ECHS1: variants seen among roughly 807,000 people sequenced by gnomAD.
The protein encoded by ECHS1 is enoyl-CoA hydratase, short chain 1, also known as enoyl-CoA hydratase, mitochondrial.
ECHS1 carries 19 observed loss-of-function variants against 33.5 expected under a neutral mutation model. The ratio of observed to expected loss-of-function variants is 0.57; its 90% CI spans 0.40 to 0.83. The LOEUF is 0.83. ECHS1 is among the 40% of genes least tolerant of loss of function. ECHS1 has a pLI of 0.00. For synonymous variants in ECHS1, 158 were observed against 146.6 expected, an observed-to-expected ratio of 1.08 and a Z score of -0.56; for missense variants, 365 against 381.3, an observed-to-expected ratio of 0.96 and a Z score of 0.36.
rs764488387 is a variant in ECHS1, at chr10:133,373,291, G to A, written c.43C>T (p.Leu15=). ...RVLLSCVRGP[L]RPPVRCPAWR... is the part of the protein sequence containing the mutation. Reference sequence around the variant, plus strand: ...GCGGGACAGCGAACCGGGGGCCTCAGCGGGCCGCGGACGCAGGACAGCAGG... The same window carrying A: ...GCGGGACAGCGAACCGGGGGCCTCAACGGGCCGCGGACGCAGGACAGCAGG... The change falls in exon 1 of 8, where the codon CTG becomes TTG. Residue 15 remains leucine (L), a synonymous_variant. Coordinates refer to ENST00000368547, the MANE Select transcript of ECHS1 (RefSeq NM_004092.4). The A allele has an allele frequency of 6.7e-7, 1 of 1,483,798 alleles. No homozygotes were observed. The allele number at this position is 1,483,798 out of a possible 1,614,324, so 91.9% of individuals were successfully genotyped here.
chr10:133,373,343 G>T lies in ECHS1; in HGVS notation c.-10C>A. 2.0e-6 allele frequency: 3 copies of T among 1,496,782 alleles called. No homozygotes were observed. Among genetic ancestry groups the T allele is most frequent in the Non-Finnish European group, 2.7e-6 (3 of 1,129,636 alleles). 92.7% of individuals were successfully genotyped at this position (1,496,782 alleles called of 1,614,324 possible). On this transcript the variant is annotated 5_prime_UTR_variant, in exon 1 of 8. Transcript: ENST00000368547. Reference sequence around the variant, plus strand: ...CACGCAGGGCGGCCATGGCTCTCTGGACTCCTCGCCCGGCCCCGCGGAGCC... The same window carrying T: ...CACGCAGGGCGGCCATGGCTCTCTGTACTCCTCGCCCGGCCCCGCGGAGCC...
At chr10:133,370,228 CCT>C (rs1255260222) in intron 2 of ECHS1, among the ~76,000 whole-genome samples, 197 bp from the exon 3 acceptor site, 1 of 152,222 alleles carries the variant, frequency 6.6e-6, no homozygotes, top group Non-Finnish European at 1.5e-5. Context: ...GCAGAGGGGC[CCT>C]GAGGCAGGCA....
intron 3 of ECHS1, 103 bp downstream of exon 3, chr10:133,369,801 T>A: frequency 6.8e-7 from 1 of 1,476,066 alleles, no homozygotes. Context: ...GCTGCTGGCC[T>A]GGGAACTAAA....
At chr10:133,372,459 G>A (rs1212849205) in intron 1 of ECHS1, among the ~76,000 whole-genome samples, 1 of 152,234 alleles carries the variant, frequency 6.6e-6, no homozygotes, top group Non-Finnish European at 1.5e-5. Flanking sequence ...CCCTGGTCAG[G>A]AGGCACCCAG....
In ECHS1 at chr10:133,370,636, G is replaced by A; in HGVS notation, c.210C>T (p.Asn70=). ...CCTCCTCGAAGGTCTTCAGGGCCTG[G>A]TTGAGCTCGTCAATCAGGCCATCGC... The part of the protein sequence containing the change: ...ALCDGLIDEL[N]QALKTFEEDP... The change falls in exon 2 of 8, where the codon AAC becomes AAT. Residue 70 remains asparagine, a synonymous_variant. Transcript: ENST00000368547. 1 of 1,612,884 alleles carries A rather than the reference G, an allele frequency of 6.2e-7. No individual in the cohort carries two copies.
At position 133,362,900 on chromosome 10, in the gene ECHS1, C is replaced by T; in HGVS notation, c.841G>A (p.Glu281Lys). The T allele has an allele frequency of 1.2e-6, 2 of 1,614,172 alleles. No homozygotes were observed. Among genetic ancestry groups the T allele is most frequent in the Non-Finnish European group, 1.7e-6 (2 of 1,180,034 alleles). Residue 281 changes from glutamate (E) to lysine (K), a missense_variant, in exon 8 of 8, where the codon GAA becomes AAA. By Grantham distance (56) the Glu-to-Lys change is moderately conservative (BLOSUM62 1). Coordinates refer to ENST00000368547, the MANE Select transcript of ECHS1 (RefSeq NM_004092.4). ...DRKEGMTAFV[E>K]KRKANFKDQ ...TCTTTGAAGTTGGCCTTTCTCTTTT[C>T]CACAAACGCGGTCATCCCTTCTTTC...
At chr10:133,368,522 T>C (rs928336367) in intron 4 of ECHS1, among the ~76,000 whole-genome samples, 1 of 151,294 alleles carries the variant, frequency 6.6e-6, no homozygotes, top group African/African-American at 2.4e-5. Context: ...GGGTGGGGGG[T>C]CTGACTCCCC....
intron 2 of ECHS1, 143 bp from the exon 3 acceptor site, chr10:133,370,174 G>C: frequency 8.5e-7 from 1 of 1,172,448 alleles, no homozygotes; most frequent in Admixed American, 2.6e-5. Context: ...AGGCCACGTG[G>C]ACAGCTGTAG....
At position 133,362,600 on chromosome 10, in the gene ECHS1, T is replaced by C; in HGVS notation, c.*268A>G. On this transcript the variant is annotated 3_prime_UTR_variant, in exon 8 of 8. Coordinates refer to ENST00000368547, the MANE Select transcript of ECHS1 (RefSeq NM_004092.4). The stretch of plus-strand genomic sequence containing the variant: ...ACACAAGGACCCGCAGGCCCCGCTT[T>C]CCGTCCGAGCACAGCATGCCCAGAG... 1 of 514,488 alleles carries C rather than the reference T, an allele frequency of 1.9e-6. No individual in the cohort carries two copies. Among genetic ancestry groups the C allele is most frequent in the Non-Finnish European group, 3.5e-6 (1 of 285,298 alleles). 31.9% of individuals were successfully genotyped at this position (514,488 alleles called of 1,614,324 possible).
intron 6 of ECHS1, 89 bp from the exon 7 acceptor site, chr10:133,364,814 A>G: frequency 9.6e-7 from 1 of 1,045,654 alleles, no homozygotes; most frequent in South Asian, 1.3e-5. Context: ...TCACTGACCC[A>G]TGCACAACTG....
At chr10:133,370,781 G>C in intron 1 of ECHS1, 24 bp from the exon 2 acceptor site, 2 of 1,598,350 alleles carry the variant, frequency 1.3e-6, no homozygotes, top group South Asian at 2.3e-5. Context: ...GCAAAAAGGG[G>C]TATCTATTCA....
At chr10:133,371,950 C>T (rs1849114922) in intron 1 of ECHS1, among the ~76,000 whole-genome samples, 1 of 152,184 alleles carries the variant, frequency 6.6e-6, no homozygotes, top group Non-Finnish European at 1.5e-5. Context: ...TCACACACCA[C>T]CACACCTGGC....
chr10:133,364,173 G>A (rs1194028311), intron 7 of ECHS1, among the ~76,000 whole-genome samples: 1 of 152,072 alleles, frequency 6.6e-6, no homozygotes, highest in Non-Finnish European at 1.5e-5. Flanking sequence ...TCAAACTCCT[G>A]AGCTCAGGCA....
intron 4 of ECHS1, 41 bp from the exon 5 acceptor site, chr10:133,367,034 G>T: frequency 6.6e-7 from 1 of 1,511,510 alleles, no homozygotes; most frequent in East Asian, 2.3e-5. Context: ...TGTGATGAGT[G>T]AACCCAAGAA....
intron 3 of ECHS1, 40 bp downstream of exon 3, chr10:133,369,864 T>C: frequency 1.2e-6 from 2 of 1,609,404 alleles, no homozygotes; most frequent in Non-Finnish European, 1.7e-6. Context: ...CACGGTTCCT[T>C]CAACCACGAG....
chr10:133,366,814 G>A, intron 5 of ECHS1, 75 bp downstream of exon 5: 1 of 1,211,434 alleles, frequency 8.3e-7, no homozygotes, highest in Non-Finnish European at 1.2e-6. Flanking sequence ...GGGACACCTG[G>A]ATGCCGCCCT....
chr10:133,370,188 C>T (rs1397440142), intron 2 of ECHS1, among the ~76,000 whole-genome samples, 157 bp from the exon 3 acceptor site: 4 of 152,218 alleles, frequency 2.6e-5, no homozygotes, highest in South Asian at 2.1e-4. Flanking sequence ...GCTGTAGGGA[C>T]GCTGTAATGC....
chr10:133,369,707 G>A (rs986856063), intron 3 of ECHS1, among the ~76,000 whole-genome samples, 197 bp downstream of exon 3: 5 of 152,104 alleles, frequency 3.3e-5, no homozygotes, highest in Admixed American at 3.3e-4. Context: ...GCTGTCAGGT[G>A]AACAGCCACG....
At chr10:133,367,314 G>A (rs1322659832) in intron 4 of ECHS1, among the ~76,000 whole-genome samples, 3 of 151,600 alleles carry the variant, frequency 2.0e-5, no homozygotes, top group Non-Finnish European at 2.9e-5. Context: ...ATATAGAGAT[G>A]ATCATGGACA....
Sources: gnomAD v4.1 joint callset for allele counts (sites outside exome capture counted in the v4.1 genomes callset) on GRCh38, gnomAD v4.1.1 for gene constraint, MANE v1.5 for transcripts, NCBI Gene and HGNC (gene_info 2026-07-23, HGNC 2026-07-21) for gene names.